Variants in LRP1B observed in about 807,000 individuals in gnomAD.
The protein encoded by LRP1B is low-density lipoprotein receptor-related protein 1B.
In LRP1B, 217 loss-of-function variants were observed where a neutral mutation model predicts 556.6. The observed-to-expected ratio is 0.39, with a 90% CI of 0.35 to 0.44. The LOEUF is 0.44. LRP1B is among the 20% of genes least tolerant of loss of function. LRP1B has a pLI of 1.00. For synonymous variants in LRP1B, 2,047 were observed against 1,865.8 expected (o/e 1.10, Z -2.50); for missense variants, 5,053 against 5,620.8 (o/e 0.90, Z 3.23).
chr2:141,109,793 T>C (rs1700702566), intron 7 of LRP1B, among the ~76,000 whole-genome samples: 1 of 152,178 alleles, frequency 6.6e-6, no homozygotes, highest in Non-Finnish European at 1.5e-5. Flanking sequence ...CTGTTACCTT[T>C]AGAGGGAGCA....
chr2:141,045,164 G>A (rs374769976), intron 11 of LRP1B, among the ~76,000 whole-genome samples: 2,675 of 124,048 alleles, frequency 0.022, 100 homozygotes, highest in African/African-American at 0.069. Flanking sequence ...GTAAACTATC[G>A]CAAGAACAAA....
intron 2 of LRP1B, among the ~76,000 whole-genome samples, chr2:141,514,512 T>C (rs903512952): frequency 6.6e-6 from 1 of 152,168 alleles, no homozygotes; most frequent in Non-Finnish European, 1.5e-5. Flanking sequence ...CTTCTTCTTA[T>C]ATCAGGGTTC....
At chr2:141,910,207 T>G (rs1366285084) in intron 1 of LRP1B, among the ~76,000 whole-genome samples, 3 of 152,030 alleles carry the variant, frequency 2.0e-5, no homozygotes, top group African/African-American at 4.8e-5. Context: ...ATTTTCTCTT[T>G]GAAACCAAAT....
At chr2:140,980,569 A>G (rs988277082) in intron 18 of LRP1B, among the ~76,000 whole-genome samples, 1 of 152,198 alleles carries the variant, frequency 6.6e-6, no homozygotes, top group African/African-American at 2.4e-5. Context: ...TTCAGAGGTT[A>G]TATACTCAGA....
At chr2:142,127,467 GT>G (rs1223596783) in intron 1 of LRP1B, among the ~76,000 whole-genome samples, 1 of 151,440 alleles carries the variant, frequency 6.6e-6, no homozygotes, top group African/African-American at 2.4e-5. Context: ...CCTGAATTCT[GT>G]TTTCTGCAAT....
At chr2:141,035,316 T>C (rs1278970166) in intron 11 of LRP1B, among the ~76,000 whole-genome samples, 2 of 151,754 alleles carry the variant, frequency 1.3e-5, no homozygotes, top group Non-Finnish European at 2.9e-5. Flanking sequence ...GTAACTAACC[T>C]GCACATTGTG....
At position 141,192,882 on chromosome 2, in the gene LRP1B, T is replaced by C. The variant is rs369957750; in HGVS notation, c.851-4299A>G. On this transcript the variant is annotated intron_variant, in intron 6 of 90. Coordinates refer to ENST00000389484, the MANE Select transcript of LRP1B (RefSeq NM_018557.3). ...TTTTTAAAACTTGTTATTTGTTAGA[T>C]TTAAAAACTTAAATTTGCACCGAGT... 5.3e-5 allele frequency among the ~76,000 whole-genome samples: 8 copies of C among 152,030 alleles called. No individual in the cohort carries two copies. In the East Asian group the frequency reaches 9.7e-4, roughly 18 times the overall value.
chr2:140,823,132 CTA>C (rs1208914435), intron 31 of LRP1B, among the ~76,000 whole-genome samples: 3 of 152,006 alleles, frequency 2.0e-5, no homozygotes, highest in Non-Finnish European at 4.4e-5. Context: ...AATACAGGTA[CTA>C]TAAAGGGTGT....
chr2:141,483,978 C>T (rs369655995), intron 2 of LRP1B, among the ~76,000 whole-genome samples: 18 of 151,868 alleles, frequency 1.2e-4, no homozygotes, highest in East Asian at 7.8e-4. Context: ...TTAGATCCCA[C>T]TTGTCAATTT....
chr2:140,264,006 G>T (rs993880047), intron 86 of LRP1B, among the ~76,000 whole-genome samples: 1 of 151,978 alleles, frequency 6.6e-6, no homozygotes, highest in African/African-American at 2.4e-5. Context: ...CTTAAAGGCT[G>T]GAAATTGGGG....
chr2:141,443,927 C>T lies in LRP1B; in HGVS notation c.343+36469G>A, dbSNP rs565526618. 2.0e-5 allele frequency among the ~76,000 whole-genome samples: 3 copies of T among 151,906 alleles called. No homozygotes were observed. In the East Asian group the frequency reaches 5.8e-4, roughly 29 times the overall value. Reference sequence around the variant, plus strand: ...GGATATACAGGCTCTTTTTTGGTTCCCTATAAAATTTAAAGTAGTTTTTTT... The same window carrying T: ...GGATATACAGGCTCTTTTTTGGTTCTCTATAAAATTTAAAGTAGTTTTTTT... On this transcript the variant is annotated intron_variant, in intron 3 of 90. Transcript: ENST00000389484.
At chr2:141,250,685 T>C (rs1684228748) in intron 4 of LRP1B, among the ~76,000 whole-genome samples, 1 of 152,198 alleles carries the variant, frequency 6.6e-6, no homozygotes, top group Non-Finnish European at 1.5e-5. Flanking sequence ...AGGTGAGTCC[T>C]GGAACTTGCA....
chr2:141,103,710 T>G (rs565800478), intron 7 of LRP1B, among the ~76,000 whole-genome samples: 3 of 149,696 alleles, frequency 2.0e-5, no homozygotes, highest in Non-Finnish European at 3.0e-5. Context: ...AGGCTGAAGT[T>G]TTTTTTTTTT....
intron 32 of LRP1B, among the ~76,000 whole-genome samples, chr2:140,781,889 G>T (rs906324153): frequency 2.0e-5 from 3 of 152,070 alleles, no homozygotes; most frequent in East Asian, 1.9e-4. Context: ...TTTCCTTATC[G>T]TTTCATTTGT....
intron 1 of LRP1B, among the ~76,000 whole-genome samples, chr2:141,888,270 A>G (rs1032712709): frequency 6.6e-6 from 1 of 152,208 alleles, no homozygotes; most frequent in African/African-American, 2.4e-5. Flanking sequence ...TATACATTGA[A>G]CATTCTTGGT....
intron 2 of LRP1B, among the ~76,000 whole-genome samples, chr2:141,709,464 G>A (rs1692275750): frequency 1.3e-5 from 2 of 152,114 alleles, no homozygotes; most frequent in African/African-American, 4.8e-5. Context: ...TTAAAAATGG[G>A]CAGCGATGCA....
intron 29 of LRP1B, among the ~76,000 whole-genome samples, chr2:140,842,148 C>A (rs532325020): frequency 1.4e-3 from 209 of 152,254 alleles, no homozygotes; most frequent in South Asian, 2.5e-3. Context: ...TACCTCTAGT[C>A]GAATTGCTAT....
intron 41 of LRP1B, among the ~76,000 whole-genome samples, chr2:140,699,249 A>G (rs1430521992): frequency 6.6e-6 from 1 of 152,076 alleles, no homozygotes; most frequent in Non-Finnish European, 1.5e-5. Context: ...TCAAAAGTGT[A>G]AGATGAAGCC....
At chr2:140,735,487 C>T (rs1308176145) in intron 35 of LRP1B, among the ~76,000 whole-genome samples, 2 of 152,068 alleles carry the variant, frequency 1.3e-5, no homozygotes, top group East Asian at 1.9e-4. Flanking sequence ...AATTGAGCTC[C>T]AGAGAGGTTC....
Sources: gnomAD v4.1 joint callset for allele counts (sites outside exome capture counted in the v4.1 genomes callset) on GRCh38, gnomAD v4.1.1 for gene constraint, MANE v1.5 for transcripts, NCBI Gene and HGNC (gene_info 2026-07-23, HGNC 2026-07-21) for gene names.